Variants in GCNT1 observed in about 807,000 individuals in gnomAD.
The protein encoded by GCNT1 is glucosaminyl (N-acetyl) transferase 1.
GCNT1 carries 16 observed loss-of-function variants against 26.2 expected under a neutral mutation model. The observed-to-expected ratio is 0.61, with a 90% CI of 0.41 to 0.93. The LOEUF is 0.93. Among genes scored for constraint, GCNT1 ranks in the 40% least tolerant of loss-of-function variants. The pLI is 0.00. For synonymous variants in GCNT1, 183 were observed against 190.8 expected (o/e 0.96, Z 0.34); for missense variants, 477 against 526.7 (o/e 0.91, Z 0.92).
chr9:76,396,703 G>A, the GCNT1 span, among the ~76,000 whole-genome samples: 2 of 152,046 alleles, frequency 1.3e-5, no homozygotes, highest in South Asian at 2.1e-4. Flanking sequence ...TTAGCCGGGA[G>A]TGGTGGCGCT....
At chr9:76,460,491 G>A (rs981109301) in intron 2 of GCNT1, among the ~76,000 whole-genome samples, 3 of 152,194 alleles carry the variant, frequency 2.0e-5, no homozygotes, top group South Asian at 2.1e-4. Context: ...ATAGAGGGGA[G>A]GAGGAGGGCT....
chr9:76,489,892 G>A (rs543478358), intron 2 of GCNT1, among the ~76,000 whole-genome samples: 11 of 152,292 alleles, frequency 7.2e-5, no homozygotes, highest in Admixed American at 2.0e-4. Context: ...AAAGGCCAGT[G>A]GGTCAGTCCA....
At chr9:76,437,567 A>T (rs1194409945), upstream of GCNT1, among the ~76,000 whole-genome samples, 1 of 152,198 alleles carries the variant, frequency 6.6e-6, no homozygotes, top group Admixed American at 6.5e-5. Context: ...ACCCTTGGGG[A>T]TGCTCTGTCT....
chr9:76,448,621 C>T (rs560370356), intron 1 of GCNT1, among the ~76,000 whole-genome samples: 1 of 152,252 alleles, frequency 6.6e-6, no homozygotes, highest in South Asian at 2.1e-4. Flanking sequence ...CCCTCCTCTC[C>T]CCACACTCAG....
In GCNT1 at chr9:76,470,727, CATT is replaced by C. The variant is rs1323258103; in HGVS notation, c.-290+10553_-290+10555del. On this transcript the variant is annotated intron_variant, in intron 2 of 3. Transcript: ENST00000376730. ...AATGTATACATCTATCAAAACATCA[CATT>C]ATACCCCATAAATATATACAATTAT... Among the ~76,000 whole-genome samples, 3 of 151,838 alleles carry C rather than the reference CATT, an allele frequency of 2.0e-5. No homozygotes were observed. The East Asian group carries it at 5.8e-4, about 29-fold the overall frequency.
chr9:76,500,138 T>A (rs12003549), intron 2 of GCNT1, among the ~76,000 whole-genome samples: 1,680 of 143,606 alleles, frequency 0.012, 28 homozygotes, highest in African/African-American at 0.041. Flanking sequence ...GCATGCCTTG[T>A]AATTTTTTTT....
the GCNT1 span, among the ~76,000 whole-genome samples, chr9:76,411,486 G>A: frequency 6.6e-6 from 1 of 151,246 alleles, no homozygotes; most frequent in Non-Finnish European, 1.5e-5. Context: ...ATGCCACCAT[G>A]CCTGGCTAAT....
chr9:76,424,994 C>A (rs938669929), intron 1 of GCNT1, among the ~76,000 whole-genome samples: 1 of 151,802 alleles, frequency 6.6e-6, no homozygotes, highest in African/African-American at 2.4e-5. Context: ...AAAAAATTAG[C>A]CAGGCGTGGT....
intron 1 of GCNT1, among the ~76,000 whole-genome samples, chr9:76,429,350 G>GTA (rs1306978838): frequency 6.6e-6 from 1 of 152,092 alleles, no homozygotes; most frequent in Non-Finnish European, 1.5e-5. Flanking sequence ...GAGGCATTGA[G>GTA]TATATGCATC....
At chr9:76,449,670 T>C (rs1587417279) in intron 1 of GCNT1, among the ~76,000 whole-genome samples, 1 of 152,238 alleles carries the variant, frequency 6.6e-6, no homozygotes, top group Non-Finnish European at 1.5e-5. Flanking sequence ...CCACACTTTA[T>C]CATCCTCTGT....
chr9:76,396,251 T>A, the GCNT1 span, among the ~76,000 whole-genome samples: 4 of 152,188 alleles, frequency 2.6e-5, no homozygotes, highest in Non-Finnish European at 5.9e-5. Context: ...TCACACTGTC[T>A]CATGTAATCC....
At chr9:76,491,815 C>T (rs1243200192) in intron 2 of GCNT1, among the ~76,000 whole-genome samples, 1 of 152,200 alleles carries the variant, frequency 6.6e-6, no homozygotes, top group East Asian at 1.9e-4. Context: ...GAGGGCTGCA[C>T]ACGTGCATAT....
chr9:76,466,328 A>G (rs1025650848), intron 2 of GCNT1, among the ~76,000 whole-genome samples: 1 of 152,126 alleles, frequency 6.6e-6, no homozygotes, highest in African/African-American at 2.4e-5. Flanking sequence ...TTTTGACAGG[A>G]TCTCTCTCCA....
intron 1 of GCNT1, among the ~76,000 whole-genome samples, chr9:76,428,032 CA>C (rs1265819763): frequency 6.6e-6 from 1 of 151,586 alleles, no homozygotes; most frequent in African/African-American, 2.4e-5. Flanking sequence ...CATTAAAGGC[CA>C]AGGCGGGCAA....
intron 1 of GCNT1, among the ~76,000 whole-genome samples, chr9:76,447,970 C>T (rs1360936714): frequency 6.6e-6 from 1 of 152,172 alleles, no homozygotes; most frequent in African/African-American, 2.4e-5. Flanking sequence ...ATGGCTGTGC[C>T]AGCCGTCTTT....
At chr9:76,395,565 C>G in the GCNT1 span, among the ~76,000 whole-genome samples, 1 of 151,004 alleles carries the variant, frequency 6.6e-6, no homozygotes, top group Non-Finnish European at 1.5e-5. Context: ...CCAGACTGGG[C>G]GACACAGTGA....
chr9:76,401,378 G>C, the GCNT1 span, among the ~76,000 whole-genome samples: 38 of 152,260 alleles, frequency 2.5e-4, no homozygotes, highest in Non-Finnish European at 4.7e-4. Context: ...CCATCTGCCT[G>C]CCTTGGCCTC....
chr9:76,400,582 T>C, the GCNT1 span, among the ~76,000 whole-genome samples: 1 of 152,362 alleles, frequency 6.6e-6, no homozygotes, highest in South Asian at 2.1e-4. Flanking sequence ...ATCACACTCC[T>C]CAGCTCCTGC....
chr9:76,451,535 A>T (rs75973822), intron 1 of GCNT1, among the ~76,000 whole-genome samples: 2,437 of 152,268 alleles, frequency 0.016, 68 homozygotes, highest in African/African-American at 0.055. Flanking sequence ...GGCAAAAATC[A>T]GTTGTTTAAG....
Sources: allele counts gnomAD v4.1 joint callset (sites outside exome capture counted in the v4.1 genomes callset), GRCh38; gene constraint gnomAD v4.1.1; transcripts MANE v1.5; gene names NCBI Gene and HGNC (gene_info 2026-07-23, HGNC 2026-07-21).